Variants in DTWD2 observed in about 807,000 individuals in gnomAD.
DTWD2 encodes tRNA-uridine aminocarboxypropyltransferase 2.
DTWD2 carries 39 observed loss-of-function variants against 31.8 expected under a neutral mutation model. The observed-to-expected ratio is 1.22, with a 90% confidence interval of 0.95 to 1.60. The LOEUF (loss-of-function observed/expected upper bound fraction) is 1.60. Among genes scored for constraint, DTWD2 ranks in the 40% most tolerant of loss-of-function variants. The pLI is 0.00. For synonymous variants in DTWD2, 180 were observed against 142.8 expected, an observed-to-expected ratio of 1.26 and a Z score of -1.86; for missense variants, 515 against 381.5, an observed-to-expected ratio of 1.35 and a Z score of -2.92.
At chr5:118,893,407 G>A (rs1013685040) in intron 4 of DTWD2, among the ~76,000 whole-genome samples, 36 of 147,508 alleles carry the variant, frequency 2.4e-4, no homozygotes, top group African/African-American at 7.5e-4. Context: ...AAATGTATAC[G>A]TGTGTGTGTG....
chr5:118,963,353 GACAGAATA>G (rs1754748163), intron 1 of DTWD2, among the ~76,000 whole-genome samples: 1 of 152,152 alleles, frequency 6.6e-6, no homozygotes, highest in Non-Finnish European at 1.5e-5. Flanking sequence ...TTTTCACAGA[GACAGAATA>G]ACAGAACAAA....
chr5:118,911,454 C>T (rs1044151620), intron 4 of DTWD2, among the ~76,000 whole-genome samples: 1 of 152,112 alleles, frequency 6.6e-6, no homozygotes, highest in Admixed American at 6.6e-5. Context: ...GGAAGTTCCT[C>T]AAAGAAATAA....
intron 1 of DTWD2, among the ~76,000 whole-genome samples, chr5:118,947,417 T>G (rs1290886106): frequency 6.6e-6 from 1 of 152,046 alleles, no homozygotes; most frequent in Non-Finnish European, 1.5e-5. Context: ...AGCAGGAAGG[T>G]GATCTTCCCC....
intron 4 of DTWD2, among the ~76,000 whole-genome samples, chr5:118,862,029 G>C (rs1752271424): frequency 6.6e-6 from 1 of 152,212 alleles, no homozygotes; most frequent in Admixed American, 6.5e-5. Context: ...GTGAGTGGCA[G>C]CAGGTGGGTG....
intron 4 of DTWD2, among the ~76,000 whole-genome samples, chr5:118,869,874 G>T (rs192213339): frequency 3.9e-5 from 6 of 152,302 alleles, no homozygotes; most frequent in Admixed American, 1.3e-4. Context: ...TGGGGGCCTT[G>T]TAAGAGGTGT....
At chr5:118,880,005 T>C (rs1261749083) in intron 4 of DTWD2, among the ~76,000 whole-genome samples, 2 of 152,104 alleles carry the variant, frequency 1.3e-5, no homozygotes, top group Non-Finnish European at 2.9e-5. Flanking sequence ...CGCGATAGAG[T>C]GAATACAATA....
chr5:118,976,939 T>C (rs1452939987), intron 1 of DTWD2, among the ~76,000 whole-genome samples: 1 of 152,134 alleles, frequency 6.6e-6, no homozygotes, highest in African/African-American at 2.4e-5. Flanking sequence ...AAATCCTCAA[T>C]AAAATACTGG....
chr5:118,868,034 A>G (rs535163277), intron 4 of DTWD2, among the ~76,000 whole-genome samples: 1 of 152,332 alleles, frequency 6.6e-6, no homozygotes, highest in South Asian at 2.1e-4. Flanking sequence ...AAACTATGGT[A>G]ATCAAATAGT....
chr5:118,964,066 C>T (rs1330546696), intron 1 of DTWD2, among the ~76,000 whole-genome samples: 2 of 151,878 alleles, frequency 1.3e-5, no homozygotes, highest in South Asian at 2.1e-4. Context: ...AAAAATTAGC[C>T]AGGCGTGGTG....
chr5:118,885,406 C>A (rs542121391), intron 4 of DTWD2, among the ~76,000 whole-genome samples: 4 of 138,026 alleles, frequency 2.9e-5, no homozygotes, highest in East Asian at 4.4e-4. Flanking sequence ...GAGCCGAGAT[C>A]GAGCCACTGC....
intron 1 of DTWD2, among the ~76,000 whole-genome samples, chr5:118,975,476 C>G (rs1412800255): frequency 1.3e-5 from 2 of 152,050 alleles, no homozygotes; most frequent in South Asian, 2.1e-4. Flanking sequence ...AGAATATGCT[C>G]CTTTAGCTCG....
At chr5:118,863,532 C>T (rs553423195) in intron 4 of DTWD2, among the ~76,000 whole-genome samples, 1 of 152,296 alleles carries the variant, frequency 6.6e-6, no homozygotes, top group East Asian at 1.9e-4. Flanking sequence ...AAAGCAGATA[C>T]AGTTACTATA....
intron 1 of DTWD2, among the ~76,000 whole-genome samples, chr5:118,958,112 A>G (rs1754628212): frequency 2.6e-5 from 4 of 152,300 alleles, no homozygotes; most frequent in African/African-American, 7.2e-5. Context: ...TAATTAATAT[A>G]AGTTTTCATG....
At chr5:118,942,854 G>A (rs1388621693) in intron 2 of DTWD2, among the ~76,000 whole-genome samples, 1 of 151,978 alleles carries the variant, frequency 6.6e-6, no homozygotes, top group African/African-American at 2.4e-5. Flanking sequence ...CCAAGCTAGA[G>A]TGCAATGTCA....
At chr5:118,868,838 TAAA>T (rs758949446) in intron 4 of DTWD2, among the ~76,000 whole-genome samples, 5 of 107,856 alleles carry the variant, frequency 4.6e-5, no homozygotes, top group Non-Finnish European at 3.8e-5. Context: ...CCCTGTCTCT[TAAA>T]AAAAAAAAAA....
At chr5:118,853,682 T>C (rs1254517683) in intron 4 of DTWD2, among the ~76,000 whole-genome samples, 3 of 152,068 alleles carry the variant, frequency 2.0e-5, no homozygotes, top group East Asian at 1.9e-4. Flanking sequence ...CCCTTATAAT[T>C]GGGAGCTAAA....
chr5:118,898,527 C>T (rs1321992869), intron 4 of DTWD2, among the ~76,000 whole-genome samples: 5 of 151,386 alleles, frequency 3.3e-5, no homozygotes, highest in African/African-American at 4.9e-5. Flanking sequence ...GGCATGGTGG[C>T]GGGTGCCTGT....
At chr5:118,953,812 A>G (rs1754519608) in intron 1 of DTWD2, among the ~76,000 whole-genome samples, 1 of 152,162 alleles carries the variant, frequency 6.6e-6, no homozygotes. Context: ...CACAAATGCA[A>G]ATTTGTGGCT....
At chr5:118,939,526 G>A (rs578144961) in intron 2 of DTWD2, among the ~76,000 whole-genome samples, 2 of 152,186 alleles carry the variant, frequency 1.3e-5, no homozygotes, top group East Asian at 1.9e-4. Flanking sequence ...GATCAAAGAA[G>A]ATTACATTAA....
Sources: allele counts gnomAD v4.1 joint callset (sites outside exome capture counted in the v4.1 genomes callset), GRCh38; gene constraint gnomAD v4.1.1; transcripts MANE v1.5; gene names NCBI Gene and HGNC (gene_info 2026-07-23, HGNC 2026-07-21).